PIEZO1: variants seen among roughly 807,000 people sequenced by gnomAD.
PIEZO1 encodes piezo-type mechanosensitive ion channel component 1.
A neutral mutation model predicts 297.2 loss-of-function variants in PIEZO1; 296 were observed. The observed-to-expected ratio is 1.00, with a 90% CI of 0.91 to 1.10. PIEZO1 has a LOEUF of 1.10. Ranked by LOEUF, PIEZO1 falls within the 50% of genes least tolerant of loss-of-function variation. The pLI is 0.00. For missense variants in PIEZO1, 5,018 were observed against 3,455.5 expected, an observed-to-expected ratio of 1.45 and a Z score of -11.34; for synonymous variants, 2,427 against 1,507.5, an observed-to-expected ratio of 1.61 and a Z score of -14.13.
At chr16:88,720,856 G>A in intron 39 of PIEZO1, 108 bp from the exon 40 acceptor site, 6 of 1,275,538 alleles carry the variant, frequency 4.7e-6, no homozygotes, top group Non-Finnish European at 6.3e-6. Context: ...CAGACAAGCA[G>A]ACGGAGCACA....
chr16:88,747,111 A>T (rs2340965), intron 2 of PIEZO1, among the ~76,000 whole-genome samples: 2,544 of 152,234 alleles, frequency 0.017, 76 homozygotes, highest in African/African-American at 0.058. Context: ...CACACCTGTA[A>T]TCTCAGCACT....
At chr16:88,724,819 G>A (rs926947305) in intron 30 of PIEZO1, among the ~76,000 whole-genome samples, 190 bp downstream of exon 30, 2 of 152,212 alleles carry the variant, frequency 1.3e-5, no homozygotes, top group Non-Finnish European at 2.9e-5. Context: ...GGCATAGCCA[G>A]GAGAGGACAT....
chr16:88,732,039 G>C, intron 21 of PIEZO1, 129 bp from the exon 22 acceptor site: 2 of 172,906 alleles, frequency 1.2e-5, no homozygotes, highest in South Asian at 6.2e-5. Context: ...GCAAGGACAG[G>C]GCCAGCGGCG....
At chr16:88,749,608 C>T in intron 1 of PIEZO1, 129 bp from the exon 2 acceptor site, 1 of 688,782 alleles carries the variant, frequency 1.5e-6, no homozygotes, top group Non-Finnish European at 2.3e-6. Context: ...TGCCCTGAGC[C>T]AGAGCCGTGG....
chr16:88,781,702 G>C (rs1365042082), intron 1 of PIEZO1, among the ~76,000 whole-genome samples: 2 of 152,268 alleles, frequency 1.3e-5, no homozygotes. Context: ...GGCCTCCGAA[G>C]GGTGACTCTG....
chr16:88,717,997 C>A (rs1030472779), intron 44 of PIEZO1: 5 of 330,986 alleles, frequency 1.5e-5, no homozygotes, highest in Non-Finnish European at 2.9e-5. Flanking sequence ...GTGGGAGAAT[C>A]GCTTGAACCT....
chr16:88,736,575 C>T, intron 11 of PIEZO1, 64 bp downstream of exon 11: 1 of 1,387,364 alleles, frequency 7.2e-7, no homozygotes, highest in South Asian at 1.4e-5. Flanking sequence ...GCACCCCACC[C>T]AGGCGATGCC....
At position 88,720,517 on chromosome 16, in the gene PIEZO1, A is replaced by G. The variant is rs1431934076; in HGVS notation, c.5817T>C (p.Tyr1939=). Residue 1939 remains tyrosine, a synonymous_variant, in exon 41 of 51, where the codon TAT becomes TAC. Coordinates refer to ENST00000301015, the MANE Select transcript of PIEZO1 (RefSeq NM_001142864.4). ...CGTGGAAGAAGCGCCGTAGCGGCCGATATGTGCCCTGGGCCCTGCGGAAGG... is the reference window on the plus strand; with the variant it reads ...CGTGGAAGAAGCGCCGTAGCGGCCGGTATGTGCCCTGGGCCCTGCGGAAGG... ...GFCLSLAQGT[Y]RPLRRFFHDI... is the part of the protein sequence containing the mutation. 3 of 1,549,972 alleles carry G rather than the reference A, an allele frequency of 1.9e-6. No individual in the cohort carries two copies. The highest frequency in any genetic ancestry group is 2.7e-5 in the African/African-American group (2 of 73,018).
chr16:88,727,566 T>G lies in PIEZO1; in HGVS notation c.3292A>C (p.Asn1098His). 3 of 1,460,246 alleles carry G rather than the reference T, an allele frequency of 2.1e-6. No homozygotes were observed. Among genetic ancestry groups the G allele is most frequent in the Non-Finnish European group, 1.9e-6 (2 of 1,074,218 alleles). The allele number at this position is 1,460,246 out of a possible 1,614,324, so 90.5% of individuals were successfully genotyped here. A position where few individuals can be genotyped will look rare whatever the true frequency, so the allele number is the denominator to read the frequency against. The change falls in exon 23 of 51, where the codon AAC becomes CAC. Residue 1098 changes from asparagine to histidine, a missense_variant. Coordinates refer to ENST00000301015, the MANE Select transcript of PIEZO1 (RefSeq NM_001142864.4). ...GGTGGGGGGCACTCACTGATGAGGT[T>G]GGTGGAGTTGGGGGCCCGGAAGAAA... ...PDFFRAPNST[N>H]LISDFLLLLC...
intron 5 of PIEZO1, 156 bp from the exon 6 acceptor site, chr16:88,738,892 G>A (rs965820216): frequency 2.5e-5 from 16 of 644,276 alleles, no homozygotes; most frequent in East Asian, 8.3e-5. Flanking sequence ...GGCCCCAGCC[G>A]TCCCTGAGGT....
chr16:88,772,492 C>T (rs1224671668), intron 1 of PIEZO1, among the ~76,000 whole-genome samples: 5 of 152,280 alleles, frequency 3.3e-5, no homozygotes, highest in South Asian at 2.1e-4. Context: ...TAAAAAGGCC[C>T]GTGCCTGGCA....
At chr16:88,721,056 A>T in intron 39 of PIEZO1, 110 bp downstream of exon 39, 1 of 1,138,646 alleles carries the variant, frequency 8.8e-7, no homozygotes, top group Non-Finnish European at 1.2e-6. Flanking sequence ...CCTGGGATCC[A>T]GGTGGGCCTC....
chr16:88,719,383 GCACT>G, intron 44 of PIEZO1, 187 bp downstream of exon 44: 1 of 600,644 alleles, frequency 1.7e-6, no homozygotes, highest in Non-Finnish European at 3.0e-6. Context: ...TCTGCGCCCA[GCACT>G]CACTCGCAGC....
intron 42 of PIEZO1, 46 bp from the exon 43 acceptor site, chr16:88,720,006 G>T: frequency 6.5e-7 from 1 of 1,548,892 alleles, no homozygotes; most frequent in Middle Eastern, 1.7e-4. Flanking sequence ...AAACAGCCCC[G>T]CAGGGCCCCC....
rs1906188124 is a variant in PIEZO1 at position 88,748,494 on chromosome 16, CCCCCCCCGCA to C, written c.160+880_160+889del. Among the ~76,000 whole-genome samples the C allele has an allele frequency of 5.7e-5, 7 of 123,218 alleles. No individual in the cohort carries two copies. The South Asian group carries it at 1.6e-3, about 28-fold the overall frequency. The allele number at this position is 123,218 out of a possible 152,430, so 80.8% of individuals were successfully genotyped here. A position where few individuals can be genotyped will look rare whatever the true frequency, so the allele number is the denominator to read the frequency against. ...TCCCAAGGGGGGTCTCAGCTCCCCC[CCCCCCCCGCA>C]CAAGTGGATCAAAGTCAACTGAGGT... On this transcript the variant is annotated intron_variant, in intron 2 of 50. Transcript: ENST00000301015.
rs781333252 is a variant in PIEZO1 at position 88,720,651 on chromosome 16, C to G, written c.5766G>C (p.Ala1922=). 6.5e-7 allele frequency: 1 copy of G among 1,547,912 alleles called. No individual in the cohort carries two copies. Among genetic ancestry groups the G allele is most frequent in the Non-Finnish European group, 8.7e-7 (1 of 1,145,874 alleles). Residue 1922 remains alanine (A), a synonymous_variant, in exon 40 of 51, where the codon GCG becomes GCC. Transcript: ENST00000301015. ...AGAAGCCCTGCAGCCGCCGCCCGGC[C>G]GCCCTTACTCTTCCTCCAGAGCGGC... ...RPSRSGGRVR[A]AGRRLQGFCL...
chr16:88,734,501 C>G lies in PIEZO1; in HGVS notation c.2035G>C (p.Glu679Gln). Reference protein sequence around the residue: ...DLGLEQFSVSELFSSILVPGF... With the variant: ...DLGLEQFSVSQLFSSILVPGF... ...GGCACCAGGATGCTGGAGAAGAGCTCGGACACGCTGAACTGCTCCAGGCCC... is the reference window on the plus strand; with the variant it reads ...GGCACCAGGATGCTGGAGAAGAGCTGGGACACGCTGAACTGCTCCAGGCCC... Residue 679 changes from glutamate to glutamine, a missense_variant, in exon 16 of 51, where the codon GAG becomes CAG. Transcript: ENST00000301015. 6.5e-7 allele frequency: 1 copy of G among 1,548,130 alleles called. No homozygotes were observed. Among genetic ancestry groups the G allele is most frequent in the South Asian group, 1.2e-5 (1 of 83,790 alleles).
At chr16:88,732,313 G>A in intron 21 of PIEZO1, 22 bp downstream of exon 21, 4 of 1,530,398 alleles carry the variant, frequency 2.6e-6, no homozygotes, top group Middle Eastern at 1.7e-4. Flanking sequence ...TGCCCCAGGG[G>A]GAGGCAATGT....
intron 19 of PIEZO1, 171 bp from the exon 20 acceptor site, chr16:88,732,903 G>C: frequency 1.5e-6 from 1 of 658,930 alleles, no homozygotes; most frequent in Non-Finnish European, 2.6e-6. Context: ...AGGTGTTTGA[G>C]AAACAGGGAG....
Sources: gnomAD v4.1 joint callset for allele counts (sites outside exome capture counted in the v4.1 genomes callset) on GRCh38, gnomAD v4.1.1 for gene constraint, MANE v1.5 for transcripts, NCBI Gene and HGNC (gene_info 2026-07-23, HGNC 2026-07-21) for gene names.